The following CMC2 variants were observed in gnomAD, a reference collection of about 807,000 sequenced individuals.
CMC2 encodes COX assembly mitochondrial protein 2 homolog.
CMC2 carries 5 observed loss-of-function variants against 7.5 expected under a neutral mutation model. The observed-to-expected ratio is 0.66, with a 90% confidence interval of 0.35 to 1.40. CMC2 has a LOEUF of 1.40. CMC2 is among the 40% of genes most tolerant of loss of function. The pLI is 0.04. For synonymous variants in CMC2, 37 were observed against 31.4 expected (o/e 1.18, Z -0.60); for missense variants, 115 against 92.3 (o/e 1.25, Z -1.01).
rs994165967 is a variant in CMC2, at chr16:80,970,269, G to C, written c.*5824C>G. 8 of 152,144 alleles carry C rather than the reference G, an allele frequency of 5.3e-5. No individual in the cohort carries two copies. Among genetic ancestry groups the C allele is most frequent in the African/African-American group, 1.9e-4 (8 of 41,426 alleles). 9.4% of individuals were successfully genotyped at this position (152,144 alleles called of 1,614,324 possible). Reference sequence around the variant, plus strand: ...ATGGACCGTCTCTCTCTCAATTTAAGTCAATTCCAAATCCAAATCTCACCG... The same window carrying C: ...ATGGACCGTCTCTCTCTCAATTTAACTCAATTCCAAATCCAAATCTCACCG... On this transcript the variant is annotated 3_prime_UTR_variant, in exon 4 of 4. Coordinates refer to ENST00000219400, the MANE Select transcript of CMC2 (RefSeq NM_020188.5).
In CMC2 at chr16:80,981,806, C is replaced by T. The variant is rs1322589169; in HGVS notation, c.153G>A (p.Glu51=). 2 of 1,596,184 alleles carry T rather than the reference C, an allele frequency of 1.3e-6. No homozygotes were observed. The highest frequency in any genetic ancestry group is 1.7e-5 in the Admixed American group (1 of 59,266). The change falls in exon 3 of 4, where the codon GAG becomes GAA. Residue 51 remains glutamate, a splice_region_variant and synonymous_variant. Coordinates refer to ENST00000219400, the MANE Select transcript of CMC2 (RefSeq NM_020188.5). ...DRELRKCLKN[E]YVENRTKSRE... The stretch of plus-strand genomic sequence containing the variant: ...ATCCATCCTTTGACACTTTTCTTAC[C>T]TCATTCTTCAGGCATTTTCTCAACT...
intron 2 of CMC2, among the ~76,000 whole-genome samples, chr16:80,993,911 C>G (rs1320477590): frequency 6.6e-6 from 1 of 151,994 alleles, no homozygotes; most frequent in African/African-American, 2.4e-5. Context: ...GAAAAAAGAA[C>G]AAAATTGGAG....
chr16:81,002,267 A>T (rs577454071), intron 1 of CMC2, among the ~76,000 whole-genome samples: 45 of 152,236 alleles, frequency 3.0e-4, no homozygotes, highest in Admixed American at 2.9e-3. Context: ...TCTACTAAAA[A>T]TTCAAAAAAT....
At position 80,988,577 on chromosome 16, in the gene CMC2, G is replaced by C. The variant is rs781158233; in HGVS notation, c.82-6700C>G. 4.3e-6 allele frequency: 3 copies of C among 696,202 alleles called. No individual in the cohort carries two copies. The South Asian group carries it at 4.5e-5, about 10-fold the overall frequency. The allele number at this position is 696,202 out of a possible 1,614,324, so 43.1% of individuals were successfully genotyped here. ...GCTTTTCTTCTGAACCGAGTAAGTTGCAGATATGATGCACGTTTCCTAAAA... is the reference window on the plus strand; with the variant it reads ...GCTTTTCTTCTGAACCGAGTAAGTTCCAGATATGATGCACGTTTCCTAAAA... On this transcript the variant is annotated intron_variant, in intron 2 of 3. Coordinates refer to ENST00000219400, the MANE Select transcript of CMC2 (RefSeq NM_020188.5).
intron 2 of CMC2, among the ~76,000 whole-genome samples, chr16:80,996,700 T>C (rs1225060612): frequency 1.3e-5 from 2 of 152,224 alleles, no homozygotes; most frequent in Non-Finnish European, 2.9e-5. Context: ...CAAATGCTTC[T>C]TGTAACAACG....
rs1265681394 is a variant in CMC2 at position 80,967,733 on chromosome 16, T to C, written c.*8360A>G. On this transcript the variant is annotated 3_prime_UTR_variant, in exon 4 of 4. Coordinates refer to ENST00000219400, the MANE Select transcript of CMC2 (RefSeq NM_020188.5). ...GAAATATGGATGCTCTGTAAGCAAA[T>C]ACTCCAGTGAAAAATAGCCAGGTCT... is the stretch of plus-strand genomic sequence containing the variant. 6.6e-6 allele frequency: 1 copy of C among 152,198 alleles called. No homozygotes were observed. The highest frequency in any genetic ancestry group is 2.4e-5 in the African/African-American group (1 of 41,460). 9.4% of individuals were successfully genotyped at this position (152,198 alleles called of 1,614,324 possible). A position where few individuals can be genotyped will look rare whatever the true frequency, so the allele number is the denominator to read the frequency against.
At chr16:80,985,514 A>G (rs984199748) in intron 2 of CMC2, among the ~76,000 whole-genome samples, 1 of 152,222 alleles carries the variant, frequency 6.6e-6, no homozygotes, top group African/African-American at 2.4e-5. Flanking sequence ...ATAATTTATC[A>G]TTGTAATTTT....
intron 1 of CMC2, among the ~76,000 whole-genome samples, chr16:81,001,550 G>A (rs937263029): frequency 2.6e-5 from 4 of 152,026 alleles, no homozygotes; most frequent in African/African-American, 9.7e-5. Flanking sequence ...CGGTGGTGAT[G>A]GTTGCACAAC....
At chr16:81,003,771 T>C (rs1969034070) in intron 1 of CMC2, among the ~76,000 whole-genome samples, 1 of 120,858 alleles carries the variant, frequency 8.3e-6, no homozygotes, top group South Asian at 3.6e-4. Context: ...ATAGTGAGTC[T>C]GTCAAGACAC....
chr16:81,004,885 G>A (rs1279550294), intron 1 of CMC2, among the ~76,000 whole-genome samples: 2 of 152,192 alleles, frequency 1.3e-5, no homozygotes. Flanking sequence ...TAAAGAAAAC[G>A]GGTAAGCATT....
intron 3 of CMC2, among the ~76,000 whole-genome samples, chr16:80,981,302 G>A (rs1025665450): frequency 3.9e-5 from 6 of 152,150 alleles, no homozygotes; most frequent in African/African-American, 1.4e-4. Context: ...TCCAAGTTGT[G>A]CCCTAAAATC....
At chr16:80,998,171 C>G (rs1362135499) in intron 1 of CMC2, 1 of 148,950 alleles carries the variant, frequency 6.7e-6, no homozygotes, top group Non-Finnish European at 1.5e-5. Context: ...AAACTCCTGT[C>G]CTCAAGTGAT....
At chr16:81,002,978 C>T (rs1968983241) in intron 1 of CMC2, among the ~76,000 whole-genome samples, 1 of 152,188 alleles carries the variant, frequency 6.6e-6, no homozygotes, top group South Asian at 2.1e-4. Context: ...CTTGCTTTCC[C>T]CATCACTCCC....
At chr16:80,983,391 T>G (rs962559935) in intron 2 of CMC2, 1 of 152,218 alleles carries the variant, frequency 6.6e-6, no homozygotes, top group African/African-American at 2.4e-5. Flanking sequence ...AAACAAAGAT[T>G]TAAAGACTTT....
At chr16:80,980,112 G>C (rs536430281) in intron 3 of CMC2, among the ~76,000 whole-genome samples, 19 of 151,740 alleles carry the variant, frequency 1.3e-4, no homozygotes, top group Non-Finnish European at 1.9e-4. Flanking sequence ...TTGAGACAGG[G>C]TCTCACTATG....
At position 80,980,907 on chromosome 16, in the gene CMC2, A is replaced by G. The variant is rs116603263; in HGVS notation, c.153+899T>C. On this transcript the variant is annotated intron_variant, in intron 3 of 3. Transcript: ENST00000219400. Reference sequence around the variant, plus strand: ...GTCTCAAAAGAAAAAAGAAAAAAAGAAACAAACTATTACTCTTCACTGAGT... The same window carrying G: ...GTCTCAAAAGAAAAAAGAAAAAAAGGAACAAACTATTACTCTTCACTGAGT... 6.0e-3 allele frequency: 4,142 copies of G among 695,730 alleles called. 131 individuals carry two copies. The African/African-American group carries it at 0.065, about 11-fold the overall frequency. 43.1% of individuals were successfully genotyped at this position (695,730 alleles called of 1,614,324 possible).
At chr16:80,980,587 A>G (rs920145439) in intron 3 of CMC2, among the ~76,000 whole-genome samples, 20 of 138,884 alleles carry the variant, frequency 1.4e-4, no homozygotes, top group African/African-American at 5.4e-4. Flanking sequence ...TTTTTAGTAA[A>G]TAATTTAAAA....
chr16:80,984,671 A>AT (rs1471593235), intron 2 of CMC2, among the ~76,000 whole-genome samples: 2 of 152,232 alleles, frequency 1.3e-5, no homozygotes, highest in Non-Finnish European at 2.9e-5. Flanking sequence ...ACAAATAAAC[A>AT]TGACAATGCA....
intron 1 of CMC2, among the ~76,000 whole-genome samples, chr16:81,004,760 G>T (rs999917083): frequency 1.3e-5 from 2 of 152,124 alleles, no homozygotes; most frequent in Non-Finnish European, 1.5e-5. Flanking sequence ...TTCAATCTTT[G>T]TCTACTGACT....
Sources: gnomAD v4.1 joint callset for allele counts (sites outside exome capture counted in the v4.1 genomes callset) on GRCh38, gnomAD v4.1.1 for gene constraint, MANE v1.5 for transcripts, NCBI Gene and HGNC (gene_info 2026-07-23, HGNC 2026-07-21) for gene names.